The following PGGT1B variants were observed in gnomAD, a reference collection of about 807,000 sequenced individuals.
PGGT1B encodes geranylgeranyl transferase type-1 subunit beta.
PGGT1B carries 30 observed loss-of-function variants against 46.1 expected under a neutral mutation model. The observed-to-expected ratio is 0.65, with a 90% CI of 0.49 to 0.88. The LOEUF (loss-of-function observed/expected upper bound fraction) is 0.88. Among genes scored for constraint, PGGT1B ranks in the 40% least tolerant of loss-of-function variants. The pLI, the probability that PGGT1B is intolerant of heterozygous loss-of-function variation, is 0.00. For missense variants in PGGT1B, 376 were observed against 455.9 expected (o/e 0.82, Z 1.60); for synonymous variants, 170 against 160.0 (o/e 1.06, Z -0.47).
At chr5:115,215,649 ATTCCTGCTCAT>A (rs1350888717) in intron 8 of PGGT1B, among the ~76,000 whole-genome samples, 3 of 152,188 alleles carry the variant, frequency 2.0e-5, no homozygotes, top group African/African-American at 4.8e-5. Flanking sequence ...GTAAGGAAAT[ATTCCTGCTCAT>A]TTCAAATACA....
intron 8 of PGGT1B, among the ~76,000 whole-genome samples, chr5:115,214,114 A>C (rs1756333846): frequency 6.6e-6 from 1 of 152,222 alleles, no homozygotes; most frequent in African/African-American, 2.4e-5. Context: ...TGTTTTCTAG[A>C]AACTAGGAAA....
intron 6 of PGGT1B, among the ~76,000 whole-genome samples, chr5:115,230,463 T>C (rs1756941769): frequency 6.6e-6 from 1 of 152,150 alleles, no homozygotes. Flanking sequence ...ATCATTATTC[T>C]AGTTCTGCCA....
At chr5:115,239,574 TG>T (rs1401646512) in intron 3 of PGGT1B, among the ~76,000 whole-genome samples, 1 of 152,248 alleles carries the variant, frequency 6.6e-6, no homozygotes, top group Non-Finnish European at 1.5e-5. Context: ...AAATTAAATG[TG>T]GTCCTTAACC....
chr5:115,212,641 A>T, intron 8 of PGGT1B, 58 bp from the exon 9 acceptor site: 1 of 1,206,060 alleles, frequency 8.3e-7, no homozygotes, highest in Admixed American at 2.3e-5. Context: ...CATTCTACAG[A>T]ATATTTTAGC....
chr5:115,207,180 C>CATACATATATATATATAT lies in PGGT1B; in HGVS notation c.*5221_*5222insATATATATATATATGTAT, dbSNP rs1554069083. The CATACATATATATATATAT allele has an allele frequency of 4.4e-5, 4 of 89,958 alleles. No individual in the cohort carries two copies. Among genetic ancestry groups the CATACATATATATATATAT allele is most frequent in the East Asian group, 2.3e-4 (1 of 4,288 alleles). 5.6% of individuals were successfully genotyped at this position (89,958 alleles called of 1,614,324 possible). ...ACTAGTTTAGGTTTGCATATACATACATATATATATATATATATATATATA... is the reference window on the plus strand; with the variant it reads ...ACTAGTTTAGGTTTGCATATACATACATACATATATATATATATATATATATATATATATATATATATA... On this transcript the variant is annotated 3_prime_UTR_variant, in exon 9 of 9. Coordinates refer to ENST00000419445, the MANE Select transcript of PGGT1B (RefSeq NM_005023.4).
intron 3 of PGGT1B, among the ~76,000 whole-genome samples, chr5:115,239,906 G>A (rs903068259): frequency 2.0e-5 from 3 of 152,218 alleles, no homozygotes; most frequent in Non-Finnish European, 4.4e-5. Context: ...AAGGTCCCAA[G>A]CATTTATCAG....
intron 1 of PGGT1B, among the ~76,000 whole-genome samples, chr5:115,255,331 C>G (rs191345039): frequency 3.3e-5 from 5 of 152,248 alleles, no homozygotes; most frequent in Admixed American, 3.3e-4. Context: ...TACATAATAG[C>G]AACAAAGTGT....
At chr5:115,214,441 T>G (rs941162999) in intron 8 of PGGT1B, among the ~76,000 whole-genome samples, 4 of 152,226 alleles carry the variant, frequency 2.6e-5, no homozygotes, top group African/African-American at 9.6e-5. Context: ...TGAAGTTTCT[T>G]TCATAAATGT....
intron 6 of PGGT1B, among the ~76,000 whole-genome samples, chr5:115,223,057 T>C (rs994710953): frequency 1.3e-5 from 2 of 151,728 alleles, no homozygotes; most frequent in East Asian, 1.9e-4. Context: ...ACATGGCACA[T>C]GTATACATAT....
At chr5:115,237,406 C>A (rs1757216809) in intron 4 of PGGT1B, among the ~76,000 whole-genome samples, 1 of 152,154 alleles carries the variant, frequency 6.6e-6, no homozygotes, top group South Asian at 2.1e-4. Context: ...TATCAATGAA[C>A]ATACGAACTC....
chr5:115,228,695 C>A (rs1311571457), intron 6 of PGGT1B, among the ~76,000 whole-genome samples: 1 of 151,788 alleles, frequency 6.6e-6, no homozygotes, highest in African/African-American at 2.4e-5. Flanking sequence ...GAAAGCTGAA[C>A]TGAGGTAAAG....
chr5:115,231,312 CA>C (rs1756972775), intron 5 of PGGT1B, among the ~76,000 whole-genome samples: 1 of 151,930 alleles, frequency 6.6e-6, no homozygotes, highest in African/African-American at 2.4e-5. Flanking sequence ...ATAAAAGCTC[CA>C]AACCTTACTC....
intron 5 of PGGT1B, among the ~76,000 whole-genome samples, chr5:115,235,438 G>T (rs1317466960): frequency 2.6e-5 from 4 of 152,004 alleles, no homozygotes; most frequent in African/African-American, 9.7e-5. Flanking sequence ...TAGTCTCCAG[G>T]TATCTCACCA....
At position 115,223,408 on chromosome 5, in the gene PGGT1B, A is replaced by G. The variant is rs146624313; in HGVS notation, c.659-1400T>C. On this transcript the variant is annotated intron_variant, in intron 6 of 8. Coordinates refer to ENST00000419445, the MANE Select transcript of PGGT1B (RefSeq NM_005023.4). Reference sequence around the variant, plus strand: ...CCTAATTGTACTCACAAGTGCCATTATAAGAGGAGAGAAGGAGATTAGACT... The same window carrying G: ...CCTAATTGTACTCACAAGTGCCATTGTAAGAGGAGAGAAGGAGATTAGACT... Among the ~76,000 whole-genome samples the G allele has an allele frequency of 4.2e-3, 643 of 152,206 alleles. 9 individuals carry two copies. The highest frequency in any genetic ancestry group is 0.014 in the African/African-American group (588 of 41,510).
chr5:115,251,977 G>C lies in PGGT1B; in HGVS notation c.259+1160C>G, dbSNP rs1748121502. ...ACAACAATTGACATGTATTTTGCAA[G>C]TGACTAGGACTAAGACGTGGCCTCG... On this transcript the variant is annotated intron_variant, in intron 2 of 8. Coordinates refer to ENST00000419445, the MANE Select transcript of PGGT1B (RefSeq NM_005023.4). Among the ~76,000 whole-genome samples the C allele has an allele frequency of 3.9e-5, 6 of 152,190 alleles. No homozygotes were observed. In the South Asian group the frequency reaches 1.2e-3, roughly 32 times the overall value.
At chr5:115,216,743 A>C in intron 8 of PGGT1B, 122 bp downstream of exon 8, 1 of 670,280 alleles carries the variant, frequency 1.5e-6, no homozygotes, top group Non-Finnish European at 2.7e-6. Flanking sequence ...CCTTTTAAAA[A>C]ATATTATTTA....
chr5:115,230,443 T>C lies in PGGT1B; in HGVS notation c.658+533A>G, dbSNP rs561437816. Among the ~76,000 whole-genome samples, 3 of 152,242 alleles carry C rather than the reference T, an allele frequency of 2.0e-5. No individual in the cohort carries two copies. The Middle Eastern group carries it at 0.01, about 518-fold the overall frequency. On this transcript the variant is annotated intron_variant, in intron 6 of 8. Transcript: ENST00000419445. ...AGGCTATTGATGTGCTGACACTTAG[T>C]GACTATCACATCATTATTCTAGTTC...
chr5:115,227,780 T>A (rs1756834184), intron 6 of PGGT1B, among the ~76,000 whole-genome samples: 1 of 152,342 alleles, frequency 6.6e-6, no homozygotes, highest in Non-Finnish European at 1.5e-5. Flanking sequence ...CCTCTCTGAG[T>A]TCTGACTAAG....
intron 8 of PGGT1B, among the ~76,000 whole-genome samples, chr5:115,216,265 G>A (rs1263869367): frequency 1.3e-5 from 2 of 152,028 alleles, no homozygotes; most frequent in African/African-American, 2.4e-5. Flanking sequence ...TCAGACTCCC[G>A]CATAGCTGGG....
Sources: gnomAD v4.1 joint callset for allele counts (sites outside exome capture counted in the v4.1 genomes callset) on GRCh38, gnomAD v4.1.1 for gene constraint, MANE v1.5 for transcripts, NCBI Gene and HGNC (gene_info 2026-07-23, HGNC 2026-07-21) for gene names.